The following DOP1B variants were observed in gnomAD, a reference collection of about 807,000 sequenced individuals.
DOP1B encodes protein DOP1B.
A neutral mutation model predicts 233.5 loss-of-function variants in DOP1B; 174 were observed. That is an observed-to-expected ratio of 0.75 (90% CI 0.66 to 0.85). DOP1B has a LOEUF of 0.85. Among genes scored for constraint, DOP1B ranks in the 40% least tolerant of loss-of-function variants. The probability of loss-of-function intolerance (pLI) is 0.00; values close to 1 mark genes in which losing one functional copy is unlikely to be tolerated. For synonymous variants in DOP1B, 1,190 were observed against 1,185.6 expected, an observed-to-expected ratio of 1.00 and a Z score of -0.08; for missense variants, 2,652 against 2,846.6, an observed-to-expected ratio of 0.93 and a Z score of 1.56.
intron 9 of DOP1B, among the ~76,000 whole-genome samples, chr21:36,217,062 G>A (rs868064793): frequency 9.8e-5 from 13 of 132,182 alleles, no homozygotes; most frequent in Middle Eastern, 4.6e-3. Context: ...GTGACAGAGC[G>A]AGACTCCATC....
At position 36,214,511 on chromosome 21, in the gene DOP1B, A is replaced by T; in HGVS notation, c.1084A>T (p.Lys362Ter). The T allele has an allele frequency of 6.2e-7, 1 of 1,614,024 alleles. No homozygotes were observed. Among genetic ancestry groups the T allele is most frequent in the Non-Finnish European group, 8.5e-7 (1 of 1,180,004 alleles). The change falls in exon 9 of 37, where the codon AAG (lysine) becomes TAG (stop). Residue 362 changes from lysine to a stop codon, truncating the protein, a stop_gained. Transcript: ENST00000691173. LOFTEE classifies it high-confidence loss of function. ...DVEERHHAYL[K>*]PFRVLISLLD... ...GGAGGAACGCCATCATGCATACCTG[A>T]AGCCTTTTCGCGTCCTCATCAGTCT...
chr21:36,192,392 T>A (rs1357884296), intron 2 of DOP1B, among the ~76,000 whole-genome samples: 2 of 90,992 alleles, frequency 2.2e-5, no homozygotes, highest in African/African-American at 7.0e-5. Context: ...ATTTTCATTC[T>A]TTTTTTTTTT....
intron 1 of DOP1B, 27 bp from the exon 2 acceptor site, chr21:36,164,681 T>C: frequency 6.7e-7 from 1 of 1,502,932 alleles, no homozygotes; most frequent in Non-Finnish European, 8.9e-7. Context: ...GGCTCTCTCA[T>C]TTGGTTATTT....
intron 2 of DOP1B, among the ~76,000 whole-genome samples, chr21:36,166,278 T>C (rs994758261): frequency 6.6e-5 from 10 of 151,414 alleles, no homozygotes; most frequent in Non-Finnish European, 1.5e-4. Flanking sequence ...CTACTAAAAA[T>C]ACAAAAAAAT....
At position 36,219,595 on chromosome 21, in the gene DOP1B, G is replaced by A. The variant is rs2066602354; in HGVS notation, c.1250+103G>A. On this transcript the variant is annotated intron_variant, in intron 10 of 36. Coordinates refer to ENST00000691173, the MANE Select transcript of DOP1B (RefSeq NM_001320714.2). Reference sequence around the variant, plus strand: ...TATAAATTGTGAAGTGGTAGAGAAAGCAGAGATGCAGCAGGTGAGACCATT... The same window carrying A: ...TATAAATTGTGAAGTGGTAGAGAAAACAGAGATGCAGCAGGTGAGACCATT... 3 of 1,489,348 alleles carry A rather than the reference G, an allele frequency of 2.0e-6. 1 individual carries two copies. Among genetic ancestry groups the A allele is most frequent in the South Asian group, 2.6e-5 (2 of 78,086 alleles). The allele number at this position is 1,489,348 out of a possible 1,614,324, so 92.3% of individuals were successfully genotyped here.
chr21:36,209,102 A>T (rs1299818266), intron 5 of DOP1B, among the ~76,000 whole-genome samples, 198 bp downstream of exon 5: 4 of 152,072 alleles, frequency 2.6e-5, no homozygotes, highest in African/African-American at 9.7e-5. Context: ...CTTTTTTAAC[A>T]TATGCATTAA....
chr21:36,175,664 A>C (rs2066014500), intron 2 of DOP1B: 1 of 152,074 alleles, frequency 6.6e-6, no homozygotes. Flanking sequence ...ATGGTGGCGC[A>C]TGCCTGTAAT....
At chr21:36,200,215 A>AATG in intron 3 of DOP1B, 116 bp from the exon 4 acceptor site, 1 of 1,345,394 alleles carries the variant, frequency 7.4e-7, no homozygotes, top group Admixed American at 2.5e-5. Context: ...CATCGAAACC[A>AATG]GCAGTTTAAA....
rs192359104 is a variant in DOP1B, at chr21:36,273,081, G to A, written c.5632+2924G>A. ...GGCGTCACTGCACTCCAGCCTGGGCGACAGAGCAAGACTCATCTCAAAAAA... is the reference window on the plus strand; with the variant it reads ...GGCGTCACTGCACTCCAGCCTGGGCAACAGAGCAAGACTCATCTCAAAAAA... On this transcript the variant is annotated intron_variant, in intron 27 of 36. Coordinates refer to ENST00000691173, the MANE Select transcript of DOP1B (RefSeq NM_001320714.2). 1.3e-4 allele frequency among the ~76,000 whole-genome samples: 19 copies of A among 146,564 alleles called. No individual in the cohort carries two copies. In the East Asian group the frequency reaches 1.8e-3, roughly 14 times the overall value.
chr21:36,274,681 C>T (rs950992829), intron 27 of DOP1B, among the ~76,000 whole-genome samples: 13 of 151,886 alleles, frequency 8.6e-5, no homozygotes, highest in African/African-American at 2.9e-4. Context: ...TAGAATTCAT[C>T]GGGGTGGGTG....
intron 23 of DOP1B, among the ~76,000 whole-genome samples, chr21:36,255,077 G>GT (rs1427278701): frequency 6.6e-6 from 1 of 151,458 alleles, no homozygotes; most frequent in East Asian, 1.9e-4. Flanking sequence ...AGCCTCCTGG[G>GT]TAGCTGGGAG....
chr21:36,273,747 A>G, intron 27 of DOP1B, among the ~76,000 whole-genome samples: 1 of 152,018 alleles, frequency 6.6e-6, no homozygotes, highest in East Asian at 1.9e-4. Flanking sequence ...AAGGGTGGAG[A>G]CTGATGAGAC....
At chr21:36,195,823 A>G (rs936469413) in intron 2 of DOP1B, among the ~76,000 whole-genome samples, 1 of 152,246 alleles carries the variant, frequency 6.6e-6, no homozygotes, top group African/African-American at 2.4e-5. Flanking sequence ...GACTTTTACA[A>G]CATGGTTTAT....
intron 2 of DOP1B, among the ~76,000 whole-genome samples, chr21:36,188,298 C>G (rs2066189078): frequency 6.6e-6 from 1 of 152,254 alleles, no homozygotes; most frequent in Non-Finnish European, 1.5e-5. Context: ...ACTGGTCTCA[C>G]TGGTTACCTG....
intron 13 of DOP1B, 115 bp downstream of exon 13, chr21:36,227,992 A>C (rs1411644340): frequency 1.3e-5 from 14 of 1,060,812 alleles, no homozygotes; most frequent in Non-Finnish European, 1.8e-5. Flanking sequence ...GAAGATACCC[A>C]GGTGATATGT....
At chr21:36,193,688 G>A (rs141984310) in intron 2 of DOP1B, among the ~76,000 whole-genome samples, 2,826 of 152,160 alleles carry the variant, frequency 0.019, 37 homozygotes, top group Middle Eastern at 0.061. Context: ...GTCTGGTGCT[G>A]GCCTTCAGTG....
intron 14 of DOP1B, among the ~76,000 whole-genome samples, chr21:36,231,822 C>T (rs991498579): frequency 1.1e-3 from 161 of 150,196 alleles, no homozygotes; most frequent in Non-Finnish European, 1.9e-3. Context: ...GGACTACAGG[C>T]ACGTGCCACT....
rs567868755 is a variant in DOP1B at position 36,198,585 on chromosome 21, C to T, written c.139-485C>T. On this transcript the variant is annotated intron_variant, in intron 2 of 36. Transcript: ENST00000691173. ...CAGCAAGCACTCTGGGATGCTTTCCCGCAGACGTGTCGTGTATCCTGCTTA... is the reference window on the plus strand; with the variant it reads ...CAGCAAGCACTCTGGGATGCTTTCCTGCAGACGTGTCGTGTATCCTGCTTA... Among the ~76,000 whole-genome samples the T allele has an allele frequency of 5.6e-4, 85 of 152,306 alleles. 1 individual carries two copies. In the South Asian group the frequency reaches 0.016, roughly 29 times the overall value.
At chr21:36,193,214 C>T (rs2066253349) in intron 2 of DOP1B, among the ~76,000 whole-genome samples, 1 of 152,138 alleles carries the variant, frequency 6.6e-6, no homozygotes, top group Non-Finnish European at 1.5e-5. Flanking sequence ...GAGAGAAAAG[C>T]ATGCAAATTA....
Sources: allele counts gnomAD v4.1 joint callset (sites outside exome capture counted in the v4.1 genomes callset), GRCh38; gene constraint gnomAD v4.1.1; transcripts MANE v1.5; gene names NCBI Gene and HGNC (gene_info 2026-07-23, HGNC 2026-07-21).